Variants in CDH9 observed in about 807,000 individuals in gnomAD.
CDH9 encodes the protein cadherin-9.
A neutral mutation model predicts 70.9 loss-of-function variants in CDH9; 28 were observed. The ratio of observed to expected loss-of-function variants is 0.40; its 90% CI spans 0.29 to 0.54. CDH9 has a LOEUF of 0.54. Among genes scored for constraint, CDH9 ranks in the 20% least tolerant of loss-of-function variants. The pLI is 0.59. For missense variants in CDH9, 874 were observed against 984.4 expected (o/e 0.89, Z 1.50); for synonymous variants, 409 against 343.1 (o/e 1.19, Z -2.12).
At chr5:26,885,098 A>T (rs1263608792) in intron 11 of CDH9, among the ~76,000 whole-genome samples, 1 of 152,216 alleles carries the variant, frequency 6.6e-6, no homozygotes, top group Non-Finnish European at 1.5e-5. Context: ...TAGATAATTC[A>T]GAATATGTTA....
At chr5:27,028,939 A>T (rs1322695246) in intron 1 of CDH9, among the ~76,000 whole-genome samples, 1 of 152,016 alleles carries the variant, frequency 6.6e-6, no homozygotes, top group East Asian at 1.9e-4. Context: ...TAGTTAAAGG[A>T]ATTGTTGGCC....
intron 2 of CDH9, among the ~76,000 whole-genome samples, chr5:26,972,783 G>A (rs1742241893): frequency 1.3e-5 from 2 of 152,108 alleles, no homozygotes; most frequent in East Asian, 3.9e-4. Flanking sequence ...CAGATTGTGG[G>A]TAGGAGGAAG....
At chr5:26,961,739 G>T (rs1439408023) in intron 2 of CDH9, among the ~76,000 whole-genome samples, 1 of 152,112 alleles carries the variant, frequency 6.6e-6, no homozygotes, top group Non-Finnish European at 1.5e-5. Flanking sequence ...TGTTGTAGGA[G>T]ATCATATTTA....
chr5:27,002,686 C>T (rs916970694), intron 1 of CDH9, among the ~76,000 whole-genome samples: 5 of 152,054 alleles, frequency 3.3e-5, no homozygotes, highest in South Asian at 2.1e-4. Flanking sequence ...AACCAAACAC[C>T]GCATGTTCTC....
At chr5:27,037,288 C>A (rs1464181133) in intron 1 of CDH9, among the ~76,000 whole-genome samples, 1 of 151,724 alleles carries the variant, frequency 6.6e-6, no homozygotes, top group African/African-American at 2.4e-5. Context: ...GATTTAGAAA[C>A]CTTGTGAAAA....
chr5:26,957,200 TG>T (rs1378072834), intron 2 of CDH9, among the ~76,000 whole-genome samples: 3 of 152,142 alleles, frequency 2.0e-5, no homozygotes, highest in Non-Finnish European at 4.4e-5. Flanking sequence ...TTTTGATTTT[TG>T]TCTAAAATAC....
At chr5:26,959,995 C>T (rs189909101) in intron 2 of CDH9, among the ~76,000 whole-genome samples, 28 of 152,030 alleles carry the variant, frequency 1.8e-4, no homozygotes, top group African/African-American at 6.5e-4. Flanking sequence ...GAATAGTGCA[C>T]TTCAAAATGG....
chr5:27,014,674 T>C (rs1743016323), intron 1 of CDH9, among the ~76,000 whole-genome samples: 1 of 151,848 alleles, frequency 6.6e-6, no homozygotes. Context: ...TAAATATAGA[T>C]ATAGATTTAT....
chr5:26,998,200 T>C (rs865794677), intron 1 of CDH9, among the ~76,000 whole-genome samples: 4 of 152,022 alleles, frequency 2.6e-5, no homozygotes, highest in South Asian at 2.1e-4. Flanking sequence ...ACACAACAGA[T>C]TGGGGTCTGT....
At chr5:26,883,041 T>TTAGATATATATATATA (rs1221330777) in intron 11 of CDH9, among the ~76,000 whole-genome samples, 4 of 58,040 alleles carry the variant, frequency 6.9e-5, no homozygotes, top group Non-Finnish European at 1.3e-4. Flanking sequence ...CAGGATCATC[T>TTAGATATATATATATA]TATATATATA....
At chr5:26,991,334 C>T (rs1253550431) in intron 1 of CDH9, among the ~76,000 whole-genome samples, 1 of 152,190 alleles carries the variant, frequency 6.6e-6, no homozygotes, top group African/African-American at 2.4e-5. Context: ...GAACAACTTC[C>T]CTTGGCTACT....
At chr5:26,933,491 A>AG (rs148352084) in intron 2 of CDH9, among the ~76,000 whole-genome samples, 14,524 of 151,998 alleles carry the variant, frequency 0.096, 868 homozygotes, top group East Asian at 0.17. Context: ...TAAAAAAAAA[A>AG]GAAGGCAGGG....
intron 7 of CDH9, among the ~76,000 whole-genome samples, chr5:26,900,291 T>A (rs1464468566): frequency 6.6e-6 from 1 of 152,094 alleles, no homozygotes; most frequent in South Asian, 2.1e-4. Context: ...CTGTGCAAAC[T>A]CTTTCAGAAA....
intron 2 of CDH9, among the ~76,000 whole-genome samples, chr5:26,957,976 TA>T (rs1217801263): frequency 1.7e-4 from 26 of 152,216 alleles, no homozygotes; most frequent in African/African-American, 5.8e-4. Flanking sequence ...TATTGGAATA[TA>T]AAAAAATTAC....
chr5:26,963,023 A>G lies in CDH9; in HGVS notation c.228+25083T>C, dbSNP rs1018289077. Among the ~76,000 whole-genome samples, 4 of 152,326 alleles carry G rather than the reference A, an allele frequency of 2.6e-5. No individual in the cohort carries two copies. In the South Asian group the frequency reaches 6.2e-4, roughly 24 times the overall value. On this transcript the variant is annotated intron_variant, in intron 2 of 11. Coordinates refer to ENST00000231021, the MANE Select transcript of CDH9 (RefSeq NM_016279.4). ...ACATTTACCTTCACAGTGGTTTTATAAAACTATAAAAGAATGTTAAAAAAT... is the reference window on the plus strand; with the variant it reads ...ACATTTACCTTCACAGTGGTTTTATGAAACTATAAAAGAATGTTAAAAAAT...
intron 1 of CDH9, among the ~76,000 whole-genome samples, chr5:27,035,674 ACGTG>A (rs1457954803): frequency 5.4e-5 from 6 of 112,000 alleles, no homozygotes; most frequent in African/African-American, 2.1e-4. Flanking sequence ...ATTGCTATTG[ACGTG>A]TGTGTGTGTG....
intron 1 of CDH9, among the ~76,000 whole-genome samples, chr5:27,031,609 T>G (rs1375423586): frequency 1.3e-5 from 2 of 151,960 alleles, no homozygotes; most frequent in Non-Finnish European, 2.9e-5. Context: ...CTTAGGCTTA[T>G]GGAAGAATTT....
At chr5:26,964,451 G>A (rs1470889769) in intron 2 of CDH9, among the ~76,000 whole-genome samples, 3 of 152,054 alleles carry the variant, frequency 2.0e-5, no homozygotes, top group African/African-American at 7.2e-5. Context: ...GGAAAATTAA[G>A]TGTGTCGATT....
rs1491258734 is a variant in CDH9 at position 27,035,709 on chromosome 5, TGG to T, written c.-50+2752_-50+2753del. Among the ~76,000 whole-genome samples the T allele has an allele frequency of 4.1e-3, 603 of 148,638 alleles. 4 individuals are homozygous for T. Among genetic ancestry groups the T allele is most frequent in the African/African-American group, 0.014 (576 of 40,238 alleles). Reference sequence around the variant, plus strand: ...GTGTGTGTGTGTGTGTGTGTGTGTGTGGGTGTGTGTGGGTGTGTGTGTATGTG... The same window carrying T: ...GTGTGTGTGTGTGTGTGTGTGTGTGTGTGTGTGTGGGTGTGTGTGTATGTG... On this transcript the variant is annotated intron_variant, in intron 1 of 11. Transcript: ENST00000231021.
Sources: gnomAD v4.1 joint callset for allele counts (sites outside exome capture counted in the v4.1 genomes callset) on GRCh38, gnomAD v4.1.1 for gene constraint, MANE v1.5 for transcripts, NCBI Gene and HGNC (gene_info 2026-07-23, HGNC 2026-07-21) for gene names.